IRF8: variants seen among roughly 807,000 people sequenced by gnomAD.
IRF8 encodes the protein interferon regulatory factor 8.
In IRF8, 14 loss-of-function variants were observed where a neutral mutation model predicts 48.7. That is an observed-to-expected ratio of 0.29 (90% confidence interval 0.19 to 0.45). The LOEUF is 0.45. Ranked by LOEUF, IRF8 falls within the 20% of genes least tolerant of loss-of-function variation. The probability of loss-of-function intolerance (pLI) is 1.00; values close to 1 mark genes in which losing one functional copy is unlikely to be tolerated. For synonymous variants in IRF8, 278 were observed against 227.3 expected, an observed-to-expected ratio of 1.22 and a Z score of -2.01; for missense variants, 493 against 580.7, an observed-to-expected ratio of 0.85 and a Z score of 1.55.
Position 85,913,221 on chromosome 16 carries a change from C to T in IRF8, c.538C>T (p.Gln180Ter), listed in dbSNP as rs752392237. ...RSQLLPDWWAQQPSTGVPLVT... is the reference protein window; with the variant it reads ...RSQLLPDWWA Reference sequence around the variant, plus strand: ...TCAGCTCCTTCCAGACTGGTGGGCGCAGCAGCCCAGCACAGGTGAGGGTGG... The same window carrying T: ...TCAGCTCCTTCCAGACTGGTGGGCGTAGCAGCCCAGCACAGGTGAGGGTGG... Residue 180 changes from glutamine (Q) to a stop codon, truncating the protein, a stop_gained, in exon 5 of 9, where the codon CAG becomes TAG. Transcript: ENST00000268638. LOFTEE classifies it high-confidence loss of function. 6.2e-7 allele frequency: 1 copy of T among 1,612,562 alleles called. No individual in the cohort carries two copies. The highest frequency in any genetic ancestry group is 8.5e-7 in the Non-Finnish European group (1 of 1,178,576).
chr16:85,911,539 T>C, intron 3 of IRF8, 31 bp from the exon 4 acceptor site: 1 of 1,577,192 alleles, frequency 6.3e-7, no homozygotes. Flanking sequence ...CTCCGTGCCA[T>C]GTGTCATGGT....
At chr16:85,910,172 T>A (rs1307575698) in intron 3 of IRF8, among the ~76,000 whole-genome samples, 1 of 152,186 alleles carries the variant, frequency 6.6e-6, no homozygotes, top group East Asian at 1.9e-4. Context: ...GGAGGCAGCA[T>A]GATGGTAAAG....
chr16:85,903,227 T>TGGG, intron 2 of IRF8, 38 bp downstream of exon 2: 1 of 1,568,008 alleles, frequency 6.4e-7, no homozygotes, highest in Non-Finnish European at 8.7e-7. Context: ...GTGGGCACAG[T>TGGG]GTCTCCTTTC....
chr16:85,920,200 G>A lies in IRF8; in HGVS notation c.1080G>A (p.Leu360=). 6.3e-7 allele frequency: 1 copy of A among 1,597,142 alleles called. No homozygotes were observed. The highest frequency in any genetic ancestry group is 1.7e-5 in the Admixed American group (1 of 59,792). The change falls in exon 8 of 9, where the codon TTG becomes TTA. Residue 360 remains leucine (L), a synonymous_variant. Coordinates refer to ENST00000268638, the MANE Select transcript of IRF8 (RefSeq NM_002163.4). ...AAGAGTTTCCGGATATGGCCCCCTT[G>A]CGCTCCAAACTCATTCTCGTGCAGG... ...FGEEFPDMAP[L]RSKLILVQIE...
At chr16:85,902,612 T>G (rs566720264) in intron 1 of IRF8, 2 of 272,460 alleles carry the variant, frequency 7.3e-6, no homozygotes, top group Non-Finnish European at 1.4e-5. Flanking sequence ...CTTCGGATAA[T>G]GGGCTGCTCA....
intron 6 of IRF8, 110 bp from the exon 7 acceptor site, chr16:85,918,307 A>AAG (rs759604600): frequency 7.7e-7 from 1 of 1,294,412 alleles, no homozygotes; most frequent in Admixed American, 2.2e-5. Context: ...AAAGTGGTTC[A>AAG]AGACACACAA....
intron 7 of IRF8, 37 bp from the exon 8 acceptor site, chr16:85,920,072 C>T: frequency 2.7e-6 from 4 of 1,500,460 alleles, no homozygotes; most frequent in Non-Finnish European, 3.7e-6. Context: ...GTCATCTCGG[C>T]CTTGCTTGCA....
chr16:85,919,375 C>T (rs531247391), intron 7 of IRF8, among the ~76,000 whole-genome samples: 1 of 152,294 alleles, frequency 6.6e-6, no homozygotes, highest in Admixed American at 6.5e-5. Flanking sequence ...TTCTCCACGT[C>T]CCCATGCTCT....
chr16:85,908,918 C>A (rs1905072126), intron 2 of IRF8, 72 bp from the exon 3 acceptor site: 1 of 1,310,352 alleles, frequency 7.6e-7, no homozygotes, highest in Non-Finnish European at 1.1e-6. Flanking sequence ...TGTGTGGGGT[C>A]CTGGTCATGG....
Position 85,921,371 on chromosome 16 carries a change from C to T in IRF8, c.*89C>T. ...GCATCATGATTAAAGAATGTGGATC[C>T]CTCTGTCTGGGGTGGGATGCCTTAC... On this transcript the variant is annotated 3_prime_UTR_variant, in exon 9 of 9. Coordinates refer to ENST00000268638, the MANE Select transcript of IRF8 (RefSeq NM_002163.4). 3 of 1,404,356 alleles carry T rather than the reference C, an allele frequency of 2.1e-6. No individual in the cohort carries two copies. The highest frequency in any genetic ancestry group is 2.3e-5 in the South Asian group (2 of 86,642). The allele number at this position is 1,404,356 out of a possible 1,614,324, so 87.0% of individuals were successfully genotyped here.
rs28368118 is a variant in IRF8 at position 85,922,123 on chromosome 16, CA to C, written c.*843del. 0.66 allele frequency: 100,046 copies of C among 152,240 alleles called. 35,408 individuals carry two copies. Among genetic ancestry groups the C allele is most frequent in the African/African-American group, 0.91 (37,679 of 41,500 alleles). 9.4% of individuals were successfully genotyped at this position (152,240 alleles called of 1,614,324 possible). Reference sequence around the variant, plus strand: ...CTTTGTGCCCAGCCTGAGTCAGCACCAATCCCGCATTCAGAACCTCCCAGTG... The same window carrying C: ...CTTTGTGCCCAGCCTGAGTCAGCACCATCCCGCATTCAGAACCTCCCAGTG... On this transcript the variant is annotated 3_prime_UTR_variant, in exon 9 of 9. Transcript: ENST00000268638.
intron 3 of IRF8, chr16:85,909,414 T>G (rs982855680): frequency 1.9e-6 from 1 of 539,878 alleles, no homozygotes; most frequent in Non-Finnish European, 3.3e-6. Context: ...CACAGACATT[T>G]GTAGGGCCTC....
At chr16:85,907,412 G>A (rs949579472) in intron 2 of IRF8, among the ~76,000 whole-genome samples, 1 of 152,250 alleles carries the variant, frequency 6.6e-6, no homozygotes, top group Non-Finnish European at 1.5e-5. Flanking sequence ...GGGCGCGGTG[G>A]CTCACGCCTG....
chr16:85,905,303 A>G (rs1904962877), intron 2 of IRF8, among the ~76,000 whole-genome samples: 1 of 152,180 alleles, frequency 6.6e-6, no homozygotes, highest in South Asian at 2.1e-4. Flanking sequence ...GACATGTGGC[A>G]TGCTGACGGA....
chr16:85,902,605 C>T (rs990916461), intron 1 of IRF8: 5 of 262,028 alleles, frequency 1.9e-5, no homozygotes, highest in Non-Finnish European at 2.3e-5. Context: ...GTTGGTTCTT[C>T]GGATAATGGG....
In IRF8 at chr16:85,920,052, G is replaced by A. The variant is rs1905487061; in HGVS notation, c.989-57G>A. On this transcript the variant is annotated intron_variant, in intron 7 of 8. Transcript: ENST00000268638. ...CTGATCCCCCAGCCCTGCTGCTGCG[G>A]GAGTTGGAGGTCATCTCGGCCTTGC... 4 of 1,247,280 alleles carry A rather than the reference G, an allele frequency of 3.2e-6. No homozygotes were observed. The Admixed American group carries it at 5.3e-5, about 16-fold the overall frequency. The allele number at this position is 1,247,280 out of a possible 1,614,324, so 77.3% of individuals were successfully genotyped here.
intron 3 of IRF8, among the ~76,000 whole-genome samples, chr16:85,910,200 C>A (rs555991146): frequency 1.3e-5 from 2 of 152,112 alleles, no homozygotes; most frequent in Non-Finnish European, 2.9e-5. Context: ...ACAGAGAATC[C>A]GAGGTGCTGG....
At chr16:85,899,552 T>G (rs1188496138) in intron 1 of IRF8, among the ~76,000 whole-genome samples, 1 of 152,294 alleles carries the variant, frequency 6.6e-6, no homozygotes, top group Admixed American at 6.5e-5. Flanking sequence ...CCCCCTATCT[T>G]GAAACGCGCT....
chr16:85,913,037 C>A, intron 4 of IRF8, 94 bp from the exon 5 acceptor site: 1 of 928,336 alleles, frequency 1.1e-6, no homozygotes. Flanking sequence ...TATGGTTTTA[C>A]TTACACATGA....
Sources: allele counts gnomAD v4.1 joint callset (sites outside exome capture counted in the v4.1 genomes callset), GRCh38; gene constraint gnomAD v4.1.1; transcripts MANE v1.5; gene names NCBI Gene and HGNC (gene_info 2026-07-23, HGNC 2026-07-21).